KDM4C: variants seen among roughly 807,000 people sequenced by gnomAD.
KDM4C encodes the protein lysine-specific demethylase 4C.
In KDM4C, 81 loss-of-function variants were observed where a neutral mutation model predicts 129.3. That is an observed-to-expected ratio of 0.63 (90% confidence interval 0.52 to 0.75). The LOEUF (loss-of-function observed/expected upper bound fraction) is 0.75. KDM4C is among the 30% of genes least tolerant of loss of function. The pLI is 0.00. For synonymous variants in KDM4C, 573 were observed against 456.1 expected (o/e 1.26, Z -3.26); for missense variants, 1,457 against 1,304.0 (o/e 1.12, Z -1.81).
At chr9:6,728,110 A>G (rs546272563) in intron 1 of KDM4C, among the ~76,000 whole-genome samples, 3 of 148,554 alleles carry the variant, frequency 2.0e-5, no homozygotes, top group South Asian at 4.2e-4. Flanking sequence ...ATACACTTGT[A>G]ATTTTATGAA....
chr9:6,993,104 C>T (rs564438689), intron 12 of KDM4C, among the ~76,000 whole-genome samples: 6 of 152,178 alleles, frequency 3.9e-5, no homozygotes, highest in South Asian at 4.2e-4. Context: ...GGAAGGACTT[C>T]GTGACTCCTA....
intron 12 of KDM4C, among the ~76,000 whole-genome samples, chr9:6,994,079 C>T (rs1399590966): frequency 6.6e-6 from 1 of 152,098 alleles, no homozygotes; most frequent in East Asian, 1.9e-4. Flanking sequence ...CACCTCGGAT[C>T]ATCAGGCATT....
chr9:6,734,005 T>C (rs1369434179), intron 1 of KDM4C, among the ~76,000 whole-genome samples: 1 of 152,192 alleles, frequency 6.6e-6, no homozygotes, highest in Non-Finnish European at 1.5e-5. Context: ...GCAAGGTCTT[T>C]ATGAGCTATA....
chr9:6,732,245 G>A lies in KDM4C; in HGVS notation c.49+11248G>A, dbSNP rs561124692. Among the ~76,000 whole-genome samples the A allele has an allele frequency of 4.0e-5, 6 of 151,098 alleles. 1 individual carries two copies. The South Asian group carries it at 6.4e-4, about 16-fold the overall frequency. On this transcript the variant is annotated intron_variant, in intron 1 of 17. Transcript: ENST00000536108. ...CCGGGCGTGGTGGTGGGCGCCTGTA[G>A]TCCCAGCTACTCGGGAGGCTGAGGC...
At chr9:6,833,461 C>T (rs555209204) in intron 4 of KDM4C, among the ~76,000 whole-genome samples, 2 of 152,062 alleles carry the variant, frequency 1.3e-5, no homozygotes. Flanking sequence ...ACTGGTTTAT[C>T]GTTTGGCCAC....
At chr9:6,939,447 A>G (rs900646365) in intron 8 of KDM4C, among the ~76,000 whole-genome samples, 4 of 152,130 alleles carry the variant, frequency 2.6e-5, no homozygotes, top group African/African-American at 9.7e-5. Flanking sequence ...TTACAGTGTA[A>G]TAATAATAGA....
intron 19 of KDM4C, among the ~76,000 whole-genome samples, chr9:7,144,561 T>G (rs1424395796): frequency 6.6e-6 from 1 of 152,210 alleles, no homozygotes; most frequent in South Asian, 2.1e-4. Context: ...CCCATTCTCG[T>G]AGGGGAGAAC....
At chr9:6,996,139 G>T (rs933524265) in intron 12 of KDM4C, among the ~76,000 whole-genome samples, 2 of 152,204 alleles carry the variant, frequency 1.3e-5, no homozygotes, top group Non-Finnish European at 2.9e-5. Context: ...TGGTATCTCT[G>T]TTTGTTGCCT....
In KDM4C at chr9:6,867,444, A is replaced by G. The variant is rs538164824; in HGVS notation, c.630-12568A>G. On this transcript the variant is annotated intron_variant, in intron 5 of 21. Coordinates refer to ENST00000381309, the MANE Select transcript of KDM4C (RefSeq NM_015061.6). ...AATAAATGATCATTTGGAAAGAGTAATGTTCTCAGAAGATTCCTATATAAG... is the reference window on the plus strand; with the variant it reads ...AATAAATGATCATTTGGAAAGAGTAGTGTTCTCAGAAGATTCCTATATAAG... Among the ~76,000 whole-genome samples the G allele has an allele frequency of 2.0e-5, 3 of 152,356 alleles. No homozygotes were observed. In the East Asian group the frequency reaches 5.8e-4, roughly 29 times the overall value.
intron 5 of KDM4C, among the ~76,000 whole-genome samples, chr9:6,866,147 C>T (rs569719112): frequency 1.0e-4 from 15 of 150,012 alleles, no homozygotes; most frequent in Non-Finnish European, 1.8e-4. Context: ...GGCCTCCCAA[C>T]GTGCTGGGAC....
rs115081879 is a variant in KDM4C at position 7,060,799 on chromosome 9, G to C, written c.2424+11599G>C. On this transcript the variant is annotated intron_variant, in intron 17 of 21. Transcript: ENST00000381309. ...CTGGCCAGGATTTTATTTCTTAAAG[G>C]AGTAGACTTTTGATGTAGCAGTTGC... is the stretch of plus-strand genomic sequence containing the variant. Among the ~76,000 whole-genome samples the C allele has an allele frequency of 9.4e-3, 1,411 of 150,300 alleles. 25 individuals are homozygous for C. Among genetic ancestry groups the C allele is most frequent in the African/African-American group, 0.032 (1,303 of 40,718 alleles).
intron 1 of KDM4C, among the ~76,000 whole-genome samples, chr9:6,728,642 C>T (rs4742250): frequency 0.27 from 41,358 of 151,030 alleles, 6,774 homozygotes; most frequent in African/African-American, 0.44. Flanking sequence ...GTCAGGAGTT[C>T]GAGACCAGCC....
chr9:7,063,947 G>A (rs1195570784), intron 17 of KDM4C, among the ~76,000 whole-genome samples: 1 of 152,194 alleles, frequency 6.6e-6, no homozygotes, highest in Non-Finnish European at 1.5e-5. Context: ...GTTCTAGGAA[G>A]CCTCCCGTCT....
At chr9:6,971,127 A>G (rs1240671151) in intron 8 of KDM4C, among the ~76,000 whole-genome samples, 2 of 152,224 alleles carry the variant, frequency 1.3e-5, no homozygotes, top group Non-Finnish European at 2.9e-5. Flanking sequence ...GAAATAAGTG[A>G]AACTATAGCC....
intron 13 of KDM4C, 61 bp from the exon 14 acceptor site, chr9:7,013,727 G>A: frequency 6.6e-7 from 1 of 1,504,098 alleles, no homozygotes; most frequent in Non-Finnish European, 9.1e-7. Flanking sequence ...GGATTTGAGT[G>A]ACTAGAATGA....
chr9:7,101,046 A>G (rs1837023957), intron 17 of KDM4C, among the ~76,000 whole-genome samples: 2 of 151,892 alleles, frequency 1.3e-5, no homozygotes, highest in South Asian at 4.2e-4. Flanking sequence ...TTTCCTATAT[A>G]GTTACGTAGG....
Position 7,128,071 on chromosome 9 carries a change from C to G in KDM4C, c.2616C>G (p.Ser872=). The change falls in exon 19 of 22, where the codon TCC becomes TCG. Residue 872 remains serine, a synonymous_variant. Transcript: ENST00000381309. The part of the protein sequence containing the change: ...FRHKVNPNVK[S]KACEKVISVG... ...TTTTGTGTCCCTTCTTTTAGAAGTC[C>G]AAGGCTTGCGAGAAGGTCATTTCCG... 2 of 1,552,500 alleles carry G rather than the reference C, an allele frequency of 1.3e-6. No individual in the cohort carries two copies. Among genetic ancestry groups the G allele is most frequent in the Non-Finnish European group, 1.7e-6 (2 of 1,149,128 alleles).
chr9:6,959,919 GCTGTGGTATAAAATA>G (rs934380849), intron 8 of KDM4C, among the ~76,000 whole-genome samples: 2 of 80,014 alleles, frequency 2.5e-5, no homozygotes, highest in Non-Finnish European at 5.4e-5. Flanking sequence ...AGTGACAACA[GCTGTGGTATAAAATA>G]CTGTAGGGGC....
At chr9:7,066,640 A>T (rs1832459551) in intron 17 of KDM4C, among the ~76,000 whole-genome samples, 1 of 152,244 alleles carries the variant, frequency 6.6e-6, no homozygotes, top group African/African-American at 2.4e-5. Context: ...ATTTTAAATT[A>T]TTCAGAGCTC....
Sources: allele counts gnomAD v4.1 joint callset (sites outside exome capture counted in the v4.1 genomes callset), GRCh38; gene constraint gnomAD v4.1.1; transcripts MANE v1.5; gene names NCBI Gene and HGNC (gene_info 2026-07-23, HGNC 2026-07-21).